Variants in PKHD1 observed in about 807,000 individuals in gnomAD.
The protein encoded by PKHD1 is fibrocystin.
A neutral mutation model predicts 412.0 loss-of-function variants in PKHD1; 291 were observed. The observed-to-expected ratio is 0.71, with a 90% CI of 0.64 to 0.78. The LOEUF is 0.78. Ranked by LOEUF, PKHD1 falls within the 30% of genes least tolerant of loss-of-function variation. The pLI is 0.00. For synonymous variants in PKHD1, 1,777 were observed against 1,821.5 expected (o/e 0.98, Z 0.62); for missense variants, 4,825 against 4,950.7 (o/e 0.97, Z 0.76).
At chr6:51,646,954 A>G (rs1301477088) in intron 63 of PKHD1, among the ~76,000 whole-genome samples, 26 of 151,946 alleles carry the variant, frequency 1.7e-4, no homozygotes, top group Admixed American at 1.7e-3. Flanking sequence ...AAACCCTCCA[A>G]TGGCTCTGCA....
intron 43 of PKHD1, among the ~76,000 whole-genome samples, chr6:51,898,180 G>A (rs543298517): frequency 1.3e-5 from 2 of 152,262 alleles, no homozygotes; most frequent in South Asian, 4.2e-4. Flanking sequence ...GACATCTACA[G>A]AACTCTCCAC....
In PKHD1 at chr6:52,083,184, A is replaced by C. The variant is rs754107841; in HGVS notation, c.124T>G (p.Phe42Val). 1.2e-6 allele frequency: 2 copies of C among 1,604,130 alleles called. No individual in the cohort carries two copies. Among genetic ancestry groups the C allele is most frequent in the Admixed American group, 3.3e-5 (2 of 60,020 alleles). The change falls in exon 3 of 67, where the codon TTT becomes GTT. Residue 42 changes from phenylalanine (F) to valine (V), a missense_variant. Phe to Val is a conservative substitution (Grantham distance 50). Transcript: ENST00000371117. ...TGGTAAAACCCCAACCTACCATCAA[A>C]AATGACTGTGATCCACGTTCCCCCT... Reference protein sequence around the residue: ...LAGGTWITVIFDGLELGVLYP... With the variant: ...LAGGTWITVIVDGLELGVLYP...
chr6:51,676,356 TTC>T (rs1049320537), intron 60 of PKHD1, among the ~76,000 whole-genome samples: 2 of 152,054 alleles, frequency 1.3e-5, no homozygotes, highest in African/African-American at 2.4e-5. Context: ...CCTTCCATAT[TTC>T]TGTTTTCAAC....
chr6:51,654,573 AC>A (rs1248506576), intron 61 of PKHD1, among the ~76,000 whole-genome samples: 1 of 151,996 alleles, frequency 6.6e-6, no homozygotes, highest in Non-Finnish European at 1.5e-5. Flanking sequence ...TGGACTTAGA[AC>A]TTTTCTGGAT....
chr6:51,635,690 G>C (rs769565585), intron 64 of PKHD1, among the ~76,000 whole-genome samples: 1 of 151,974 alleles, frequency 6.6e-6, no homozygotes, highest in East Asian at 1.9e-4. Flanking sequence ...GGAGGATTGG[G>C]GATGGTATAG....
chr6:52,045,000 C>G lies in PKHD1; in HGVS notation c.2681G>C (p.Gly894Ala), dbSNP rs766157423. ...DGGVFLGPIF[G>A]DMLATANQHT... ...CTGGTTGGCAGTAGCCAACATGTCTCCAAATATGGGTCCAAGAAAAACTCC... is the reference window on the plus strand; with the variant it reads ...CTGGTTGGCAGTAGCCAACATGTCTGCAAATATGGGTCCAAGAAAAACTCC... The change falls in exon 25 of 67, where the codon GGA becomes GCA. Residue 894 changes from glycine (G) to alanine (A), a missense_variant. Physicochemically the swap from Gly to Ala is moderately conservative, Grantham distance 60. Coordinates refer to ENST00000371117, the MANE Select transcript of PKHD1 (RefSeq NM_138694.4). 3 of 1,613,580 alleles carry G rather than the reference C, an allele frequency of 1.9e-6. No homozygotes were observed. The African/African-American group carries it at 4.0e-5, about 22-fold the overall frequency.
chr6:52,027,933 C>G, intron 30 of PKHD1, 37 bp from the exon 31 acceptor site: 1 of 1,502,632 alleles, frequency 6.7e-7, no homozygotes, highest in African/African-American at 1.4e-5. Context: ...AAATAACTGA[C>G]AGAGAGAGAT....
intron 57 of PKHD1, among the ~76,000 whole-genome samples, chr6:51,752,908 G>C (rs1786333317): frequency 6.6e-6 from 1 of 152,190 alleles, no homozygotes; most frequent in African/African-American, 2.4e-5. Context: ...TAAAATTGAA[G>C]TGGTCATTAA....
rs141880869 is a variant in PKHD1, at chr6:51,990,714, C to G, written c.5751+19595G>C. The stretch of plus-strand genomic sequence containing the variant: ...TGAACTCATTTATTTTCCATTCTAT[C>G]CCACTCTTTTCCCATCTCTCTCTCT... On this transcript the variant is annotated intron_variant, in intron 35 of 66. Coordinates refer to ENST00000371117, the MANE Select transcript of PKHD1 (RefSeq NM_138694.4). 5.9e-5 allele frequency among the ~76,000 whole-genome samples: 9 copies of G among 152,110 alleles called. No individual in the cohort carries two copies. In the East Asian group the frequency reaches 1.5e-3, roughly 26 times the overall value.
At chr6:51,722,013 A>G in intron 60 of PKHD1, 1 of 1,613,594 alleles carries the variant, frequency 6.2e-7, no homozygotes. Flanking sequence ...AAGCCTGCTC[A>G]GTGGTTACTG....
intron 50 of PKHD1, among the ~76,000 whole-genome samples, chr6:51,842,525 C>T (rs1006740839): frequency 2.6e-5 from 4 of 152,190 alleles, no homozygotes; most frequent in African/African-American, 7.2e-5. Context: ...GACTCTGCAT[C>T]GGGCTTCCAA....
intron 65 of PKHD1, among the ~76,000 whole-genome samples, chr6:51,628,697 T>C (rs1370323585): frequency 6.6e-6 from 1 of 152,192 alleles, no homozygotes; most frequent in African/African-American, 2.4e-5. Context: ...ACCAACAGTG[T>C]ATCAGCATTC....
intron 52 of PKHD1, among the ~76,000 whole-genome samples, chr6:51,804,598 G>A (rs1330918346): frequency 1.1e-5 from 1 of 93,974 alleles, no homozygotes; most frequent in East Asian, 3.6e-4. Context: ...ATACACAATT[G>A]CAAAACTTCA....
chr6:51,920,060 T>C (rs1317019437), intron 37 of PKHD1, among the ~76,000 whole-genome samples: 3 of 152,270 alleles, frequency 2.0e-5, no homozygotes, highest in East Asian at 1.9e-4. Context: ...TATACAATCA[T>C]GTAATTTGCA....
At chr6:51,661,616 G>A (rs1772886307) in intron 60 of PKHD1, among the ~76,000 whole-genome samples, 1 of 151,968 alleles carries the variant, frequency 6.6e-6, no homozygotes, top group South Asian at 2.1e-4. Context: ...TGAGGATGGT[G>A]AGGGTTAATA....
intron 15 of PKHD1, 29 bp from the exon 16 acceptor site, chr6:52,058,630 A>G (rs1267410051): frequency 1.9e-6 from 3 of 1,609,334 alleles, no homozygotes; most frequent in African/African-American, 2.7e-5. Context: ...ATCATGATCA[A>G]TACTATGCAG....
chr6:51,721,977 G>T (rs778007045), intron 60 of PKHD1: 13 of 1,613,292 alleles, frequency 8.1e-6, no homozygotes, highest in Non-Finnish European at 1.1e-5. Context: ...CTTCCTGCAG[G>T]CTCCTCCTCT....
chr6:51,960,237 T>G (rs962729736), intron 35 of PKHD1, among the ~76,000 whole-genome samples: 4 of 152,128 alleles, frequency 2.6e-5, no homozygotes, highest in Non-Finnish European at 4.4e-5. Flanking sequence ...TACCTCTCTC[T>G]TTTTCATACA....
chr6:51,723,520 G>C (rs369790368), intron 60 of PKHD1, among the ~76,000 whole-genome samples: 34 of 152,114 alleles, frequency 2.2e-4, no homozygotes, highest in African/African-American at 7.9e-4. Flanking sequence ...AACAATTCAT[G>C]GTAAGTAAAG....
Sources: allele counts gnomAD v4.1 joint callset (sites outside exome capture counted in the v4.1 genomes callset), GRCh38; gene constraint gnomAD v4.1.1; transcripts MANE v1.5; gene names NCBI Gene and HGNC (gene_info 2026-07-23, HGNC 2026-07-21).